CSMD1: variants seen among roughly 807,000 people sequenced by gnomAD.
CSMD1 encodes the protein CUB and Sushi multiple domains 1.
In CSMD1, 213 loss-of-function variants were observed where a neutral mutation model predicts 417.5. That is an observed-to-expected ratio of 0.51 (90% confidence interval 0.46 to 0.57). The LOEUF (loss-of-function observed/expected upper bound fraction) is 0.57, where lower values mean the gene tolerates loss of function less well. Among genes scored for constraint, CSMD1 ranks in the 20% least tolerant of loss-of-function variants. CSMD1 has a pLI of 0.00. For synonymous variants in CSMD1, 2,862 were observed against 1,736.8 expected (o/e 1.65, Z -16.11); for missense variants, 6,923 against 4,529.7 (o/e 1.53, Z -15.17).
At chr8:3,461,452 G>A (rs1013285809) in intron 12 of CSMD1, among the ~76,000 whole-genome samples, 21 of 152,200 alleles carry the variant, frequency 1.4e-4, no homozygotes, top group African/African-American at 4.8e-4. Flanking sequence ...ATGGGGCCAG[G>A]AACTGAGGAG....
chr8:3,597,536 C>A (rs1490138756), intron 8 of CSMD1, among the ~76,000 whole-genome samples: 1 of 152,074 alleles, frequency 6.6e-6, no homozygotes, highest in Admixed American at 6.5e-5. Flanking sequence ...TTTTTCTCAC[C>A]ACAATGCAAG....
chr8:4,043,138 C>G (rs940569273), intron 3 of CSMD1, among the ~76,000 whole-genome samples: 4 of 151,612 alleles, frequency 2.6e-5, no homozygotes, highest in Non-Finnish European at 5.9e-5. Flanking sequence ...GTCTACAAAA[C>G]AAAACAAAAC....
intron 10 of CSMD1, among the ~76,000 whole-genome samples, chr8:3,520,222 G>A (rs981336363): frequency 1.3e-5 from 2 of 151,928 alleles, no homozygotes; most frequent in African/African-American, 2.4e-5. Context: ...ATAACTATAT[G>A]TAGATAAGTT....
intron 10 of CSMD1, among the ~76,000 whole-genome samples, chr8:3,551,046 T>C (rs940105592): frequency 1.3e-5 from 2 of 152,150 alleles, no homozygotes; most frequent in African/African-American, 2.4e-5. Flanking sequence ...CTAAATGTAA[T>C]TGCCACTCTC....
At chr8:3,112,580 T>G (rs908299927) in intron 42 of CSMD1, among the ~76,000 whole-genome samples, 3 of 152,052 alleles carry the variant, frequency 2.0e-5, no homozygotes, top group African/African-American at 7.2e-5. Context: ...ATAACAAATC[T>G]TTTCACTCAC....
At chr8:3,952,965 C>T (rs1811689743) in intron 5 of CSMD1, among the ~76,000 whole-genome samples, 1 of 151,542 alleles carries the variant, frequency 6.6e-6, no homozygotes, top group East Asian at 1.9e-4. Flanking sequence ...AAACAACCTT[C>T]CAGAATACAC....
chr8:3,450,104 T>G (rs1815598620), intron 12 of CSMD1, among the ~76,000 whole-genome samples: 1 of 152,162 alleles, frequency 6.6e-6, no homozygotes, highest in African/African-American at 2.4e-5. Flanking sequence ...ACTGTTTCAC[T>G]TTCATGTATG....
chr8:4,666,310 G>C (rs1156606129), intron 1 of CSMD1, among the ~76,000 whole-genome samples: 1 of 152,146 alleles, frequency 6.6e-6, no homozygotes, highest in Admixed American at 6.5e-5. Flanking sequence ...TTTTGGAATA[G>C]CCAGATGGGC....
chr8:3,380,578 T>G (rs559798420), intron 18 of CSMD1, among the ~76,000 whole-genome samples: 1 of 152,220 alleles, frequency 6.6e-6, no homozygotes, highest in South Asian at 2.1e-4. Flanking sequence ...GATGAGTTCA[T>G]GTCCTTTGCA....
Position 2,966,593 on chromosome 8 carries a change from G to A in CSMD1, c.9077C>T (p.Thr3026Ile). ...ACTTGTGCAGTCGGGAGCAGTGCCT[G>A]TCCAGGTCCCATTGGCTGTGCAATG... ...TRHCTANGTW[T>I]GTAPDCTIIS... The change falls in exon 58 of 70, where the codon ACA becomes ATA. Residue 3026 changes from threonine (T) to isoleucine (I), a missense_variant. By Grantham distance (89) the Thr-to-Ile change is moderately conservative (BLOSUM62 -1). Coordinates refer to ENST00000635120, the MANE Select transcript of CSMD1 (RefSeq NM_033225.6). 2 of 1,613,704 alleles carry A rather than the reference G, an allele frequency of 1.2e-6. No individual in the cohort carries two copies. Among genetic ancestry groups the A allele is most frequent in the Non-Finnish European group, 1.7e-6 (2 of 1,179,738 alleles).
intron 51 of CSMD1, 52 bp downstream of exon 51, chr8:3,029,267 T>A: frequency 6.8e-7 from 1 of 1,473,864 alleles, no homozygotes. Flanking sequence ...ATAAGCCATC[T>A]AGAATAATCT....
intron 3 of CSMD1, among the ~76,000 whole-genome samples, chr8:4,051,831 C>T (rs1333826065): frequency 7.0e-6 from 1 of 142,888 alleles, no homozygotes; most frequent in East Asian, 2.2e-4. Context: ...TCTTTCTTCT[C>T]TTTCTTTTCT....
chr8:4,150,828 G>A (rs905612379), intron 3 of CSMD1, among the ~76,000 whole-genome samples: 2 of 151,818 alleles, frequency 1.3e-5, no homozygotes, highest in South Asian at 2.1e-4. Context: ...AGACAGGGAG[G>A]GACAGAATAA....
At chr8:4,206,453 G>C (rs1048852697) in intron 3 of CSMD1, among the ~76,000 whole-genome samples, 2 of 151,862 alleles carry the variant, frequency 1.3e-5, no homozygotes, top group Admixed American at 1.3e-4. Context: ...TTCTGTCCTT[G>C]TGATAGTTTG....
chr8:3,279,172 G>A (rs1802540425), intron 26 of CSMD1: 1 of 152,166 alleles, frequency 6.6e-6, no homozygotes, highest in South Asian at 2.1e-4. Flanking sequence ...TCCTTAGAGA[G>A]AAACACATGA....
chr8:4,072,887 G>C (rs1799631767), intron 3 of CSMD1, among the ~76,000 whole-genome samples: 1 of 152,106 alleles, frequency 6.6e-6, no homozygotes, highest in African/African-American at 2.4e-5. Context: ...TCTATGTACA[G>C]TGGAAAAAGT....
At chr8:4,108,217 G>A (rs976279208) in intron 3 of CSMD1, among the ~76,000 whole-genome samples, 14 of 152,216 alleles carry the variant, frequency 9.2e-5, no homozygotes, top group African/African-American at 3.4e-4. Context: ...CTTATGTGAA[G>A]TCCTTCGTAA....
intron 2 of CSMD1, among the ~76,000 whole-genome samples, chr8:4,633,222 G>A (rs1282240248): frequency 6.6e-6 from 1 of 151,802 alleles, no homozygotes; most frequent in African/African-American, 2.4e-5. Context: ...GTGGTTAATG[G>A]AAAGGTGTTT....
intron 54 of CSMD1, among the ~76,000 whole-genome samples, chr8:2,980,796 A>T (rs1380818698): frequency 3.3e-5 from 5 of 152,208 alleles, no homozygotes; most frequent in Non-Finnish European, 7.3e-5. Flanking sequence ...GCAACCTTAC[A>T]TTGCATTAGA....
Sources: allele counts gnomAD v4.1 joint callset (sites outside exome capture counted in the v4.1 genomes callset), GRCh38; gene constraint gnomAD v4.1.1; transcripts MANE v1.5; gene names NCBI Gene and HGNC (gene_info 2026-07-23, HGNC 2026-07-21).